PPP2R1B: variants seen among roughly 807,000 people sequenced by gnomAD.
The protein encoded by PPP2R1B is serine/threonine-protein phosphatase 2A 65 kDa regulatory subunit A beta isoform.
Under a neutral mutation model 72.7 loss-of-function variants are expected in PPP2R1B, and 58 were observed. That is an observed-to-expected ratio of 0.80 (90% CI 0.65 to 0.99). PPP2R1B has a LOEUF of 0.99. PPP2R1B is among the 50% of genes least tolerant of loss of function. PPP2R1B has a pLI of 0.00. For synonymous variants in PPP2R1B, 256 were observed against 264.6 expected (o/e 0.97, Z 0.32); for missense variants, 695 against 733.6 (o/e 0.95, Z 0.61).
the PPP2R1B span, among the ~76,000 whole-genome samples, chr11:111,716,530 T>C: frequency 6.6e-6 from 1 of 152,056 alleles, no homozygotes; most frequent in Non-Finnish European, 1.5e-5. Context: ...TGAGCCCAGA[T>C]TGCACCACTG....
chr11:111,720,743 A>C, the PPP2R1B span: 18 of 1,598,342 alleles, frequency 1.1e-5, no homozygotes, highest in Non-Finnish European at 1.4e-5. Flanking sequence ...GCAGAGCATC[A>C]GATACCTCCC....
At position 111,752,416 on chromosome 11, in the gene PPP2R1B, T is replaced by C. The variant is rs1944943948; in HGVS notation, c.1165-84A>G. On this transcript the variant is annotated intron_variant, in intron 9 of 14. Coordinates refer to ENST00000527614, the MANE Select transcript of PPP2R1B (RefSeq NM_002716.5). The stretch of plus-strand genomic sequence containing the variant: ...TCTCCTGTCAGGGTAAGATAAAAGG[T>C]GAGGTAAGACTCAGGTGAAAAAAAA... 2.2e-6 allele frequency: 3 copies of C among 1,377,764 alleles called. No individual in the cohort carries two copies. In the South Asian group the frequency reaches 5.0e-5, roughly 23 times the overall value. The allele number at this position is 1,377,764 out of a possible 1,614,324, so 85.3% of individuals were successfully genotyped here. A position where few individuals can be genotyped will look rare whatever the true frequency, so the allele number is the denominator to read the frequency against.
At chr11:111,742,175 C>A (rs1487365225) in intron 13 of PPP2R1B, 31 bp from the exon 14 acceptor site, 1 of 1,528,410 alleles carries the variant, frequency 6.5e-7, no homozygotes, top group South Asian at 1.1e-5. Flanking sequence ...CTGTGAAAGA[C>A]AGTCTAATGG....
chr11:111,716,230 CT>C, the PPP2R1B span, among the ~76,000 whole-genome samples: 1 of 152,162 alleles, frequency 6.6e-6, no homozygotes, highest in Non-Finnish European at 1.5e-5. Flanking sequence ...TGTTTCGTGT[CT>C]ACTTACATTT....
chr11:111,700,189 TAG>T, the PPP2R1B span, among the ~76,000 whole-genome samples: 1 of 152,204 alleles, frequency 6.6e-6, no homozygotes, highest in Admixed American at 6.5e-5. Context: ...ATCAAAACTG[TAG>T]AGTCAGTATG....
At chr11:111,727,279 G>T in intron 15 of PPP2R1B, 1 of 585,574 alleles carries the variant, frequency 1.7e-6, no homozygotes, top group Non-Finnish European at 3.0e-6. Flanking sequence ...GGGCTCAGGG[G>T]CTGTTCATGC....
At chr11:111,750,435 G>C (rs781873005) in intron 10 of PPP2R1B, among the ~76,000 whole-genome samples, 21 of 152,246 alleles carry the variant, frequency 1.4e-4, no homozygotes, top group Middle Eastern at 3.4e-3. Context: ...ATCATTTGAG[G>C]CCATGAGTTC....
chr11:111,750,815 T>G (rs1944875234), intron 10 of PPP2R1B, among the ~76,000 whole-genome samples: 1 of 151,744 alleles, frequency 6.6e-6, no homozygotes, highest in Non-Finnish European at 1.5e-5. Context: ...ATACTAACAT[T>G]ACAAGCTTCA....
chr11:111,741,410 G>A lies in PPP2R1B; in HGVS notation c.*186C>T, dbSNP rs370671556. On this transcript the variant is annotated 3_prime_UTR_variant, in exon 15 of 15. Coordinates refer to ENST00000527614, the MANE Select transcript of PPP2R1B (RefSeq NM_002716.5). ...TAAATAATGATTTAACAAGGAAGAC[G>A]AGTAAAAAACAATCCCATTTCATCT... The A allele has an allele frequency of 4.8e-5, 67 of 1,403,270 alleles. No homozygotes were observed. The highest frequency in any genetic ancestry group is 3.0e-4 in the East Asian group (11 of 36,986). The allele number at this position is 1,403,270 out of a possible 1,614,324, so 86.9% of individuals were successfully genotyped here. A position where few individuals can be genotyped will look rare whatever the true frequency, so the allele number is the denominator to read the frequency against.
the PPP2R1B span, among the ~76,000 whole-genome samples, chr11:111,688,386 T>C: frequency 6.6e-6 from 1 of 152,232 alleles, no homozygotes; most frequent in African/African-American, 2.4e-5. The surrounding 1 kb of genome is among the most constrained non-coding windows in gnomAD (Gnocchi z 4.2). Flanking sequence ...GGGTCTGATG[T>C]GTCCAGATTC....
downstream of PPP2R1B, chr11:111,737,323 C>T (rs1221600272): frequency 3.5e-6 from 5 of 1,431,364 alleles, no homozygotes; most frequent in Admixed American, 9.7e-5. Context: ...TGGACTCTTC[C>T]CCTGGGGACA....
At chr11:111,737,766 G>T, downstream of PPP2R1B, 6 of 1,323,624 alleles carry the variant, frequency 4.5e-6, no homozygotes, top group Non-Finnish European at 6.0e-6. Context: ...CTTTCCCTCG[G>T]GGCCCTGGAA....
downstream of PPP2R1B, among the ~76,000 whole-genome samples, chr11:111,734,525 G>A (rs1358830182): frequency 6.6e-6 from 1 of 152,268 alleles, no homozygotes; most frequent in African/African-American, 2.4e-5. Flanking sequence ...CCACAGTGGA[G>A]AGGGCACTGA....
intron 2 of PPP2R1B, among the ~76,000 whole-genome samples, 191 bp downstream of exon 2, chr11:111,765,103 T>A (rs1021375910): frequency 5.9e-5 from 9 of 152,256 alleles, no homozygotes; most frequent in Non-Finnish European, 1.5e-5. Flanking sequence ...CCGTATCAAT[T>A]ACTTTCAATA....
At chr11:111,700,986 T>A in the PPP2R1B span, 1 of 1,613,934 alleles carries the variant, frequency 6.2e-7, no homozygotes, top group Non-Finnish European at 8.5e-7. Context: ...GGCAGCAGTA[T>A]GAAGGACCAC....
chr11:111,722,725 C>T (rs139550830), downstream of PPP2R1B: 27 of 1,614,002 alleles, frequency 1.7e-5, no homozygotes, highest in Middle Eastern at 1.6e-4. This position sits in a 1 kb window ranked among gnomAD's most constrained non-coding sequence, Gnocchi z 4.4. Context: ...AGAACCACCG[C>T]GGAGCCTTGA....
At position 111,739,824 on chromosome 11, in the gene PPP2R1B, A is replaced by G; in HGVS notation, c.*1772T>C. 1.0e-6 allele frequency: 1 copy of G among 971,028 alleles called. No individual in the cohort carries two copies. The highest frequency in any genetic ancestry group is 1.2e-6 in the Non-Finnish European group (1 of 816,836). The allele number at this position is 971,028 out of a possible 1,614,324, so 60.2% of individuals were successfully genotyped here. ...TAATAGCATAAGATATTAAAATGAG[A>G]ATATAGAAAAAGATTTGTGCTTAGG... On this transcript the variant is annotated 3_prime_UTR_variant, in exon 15 of 15. Coordinates refer to ENST00000527614, the MANE Select transcript of PPP2R1B (RefSeq NM_002716.5).
At chr11:111,726,753 G>T, downstream of PPP2R1B, 1 of 568,802 alleles carries the variant, frequency 1.8e-6, no homozygotes, top group Non-Finnish European at 3.1e-6. Flanking sequence ...CTCTTTTTCT[G>T]CGGGGCTACT....
chr11:111,692,433 G>C, the PPP2R1B span, among the ~76,000 whole-genome samples: 1 of 147,734 alleles, frequency 6.8e-6, no homozygotes, highest in African/African-American at 2.5e-5. Flanking sequence ...ATCGAGGCTG[G>C]GGTATCTGCC....
Sources: allele counts gnomAD v4.1 joint callset (sites outside exome capture counted in the v4.1 genomes callset), GRCh38; gene constraint gnomAD v4.1.1; non-coding constraint Gnocchi (gnomAD v3.1); transcripts MANE v1.5; gene names NCBI Gene and HGNC (gene_info 2026-07-23, HGNC 2026-07-21).